MALRD1: variants seen among roughly 807,000 people sequenced by gnomAD.
The protein encoded by MALRD1 is MAM and LDL receptor class A domain containing 1, also known as MAM and LDL-receptor class A domain-containing protein 1.
MALRD1 carries 247 observed loss-of-function variants against 242.1 expected under a neutral mutation model. The ratio of observed to expected loss-of-function variants is 1.02; its 90% CI spans 0.92 to 1.13. MALRD1 has a LOEUF of 1.13. MALRD1 is among the 50% of genes most tolerant of loss of function. The probability of loss-of-function intolerance (pLI) is 0.00; values close to 1 mark genes in which losing one functional copy is unlikely to be tolerated. For missense variants in MALRD1, 2,989 were observed against 2,533.1 expected, an observed-to-expected ratio of 1.18 and a Z score of -3.86; for synonymous variants, 995 against 866.6, an observed-to-expected ratio of 1.15 and a Z score of -2.60.
At chr10:19,662,076 TCA>T (rs925489690) in intron 36 of MALRD1, among the ~76,000 whole-genome samples, 1 of 152,154 alleles carries the variant, frequency 6.6e-6, no homozygotes, top group African/African-American at 2.4e-5. Flanking sequence ...GTTAATGTAA[TCA>T]CAGAGTATTT....
intron 18 of MALRD1, among the ~76,000 whole-genome samples, chr10:19,220,633 G>A (rs188054113): frequency 9.9e-5 from 15 of 152,176 alleles, no homozygotes; most frequent in African/African-American, 3.4e-4. Flanking sequence ...CGACCCAGAT[G>A]CGTTCTAGAT....
chr10:19,507,593 CTTT>C (rs959573109), intron 31 of MALRD1, among the ~76,000 whole-genome samples: 1 of 152,034 alleles, frequency 6.6e-6, no homozygotes, highest in African/African-American at 2.4e-5. Flanking sequence ...ATAAATTCTT[CTTT>C]AATATGAATT....
At chr10:19,705,225 G>A (rs530599122) in intron 38 of MALRD1, among the ~76,000 whole-genome samples, 1 of 152,002 alleles carries the variant, frequency 6.6e-6, no homozygotes, top group Non-Finnish European at 1.5e-5. Context: ...GATAGGCCTA[G>A]TCTGCGCCCA....
At chr10:19,408,654 A>C (rs909177955) in intron 28 of MALRD1, among the ~76,000 whole-genome samples, 4 of 152,230 alleles carry the variant, frequency 2.6e-5, no homozygotes, top group Admixed American at 2.0e-4. Context: ...AGTTGGCAAA[A>C]CAAAAACATG....
At chr10:19,622,203 TATC>T in intron 36 of MALRD1, among the ~76,000 whole-genome samples, 1 of 117,776 alleles carries the variant, frequency 8.5e-6, no homozygotes, top group South Asian at 2.5e-4. Flanking sequence ...GAAAAGAAGT[TATC>T]ATGATGGTAT....
At chr10:19,133,682 T>C (rs1256324335) in intron 8 of MALRD1, among the ~76,000 whole-genome samples, 174 bp from the exon 9 acceptor site, 1 of 152,212 alleles carries the variant, frequency 6.6e-6, no homozygotes. Context: ...TTCATTTTCT[T>C]ATTTTTTAAT....
intron 18 of MALRD1, among the ~76,000 whole-genome samples, chr10:19,215,408 T>C (rs1837264180): frequency 6.6e-6 from 1 of 152,218 alleles, no homozygotes; most frequent in African/African-American, 2.4e-5. Context: ...ACAAACAAGG[T>C]TAATTTTTTT....
chr10:19,429,611 T>G (rs2486052), intron 28 of MALRD1, among the ~76,000 whole-genome samples: 1 of 151,862 alleles, frequency 6.6e-6, no homozygotes, highest in Non-Finnish European at 1.5e-5. Flanking sequence ...ACTCAGAGCC[T>G]GTGTCCAGTT....
intron 4 of MALRD1, among the ~76,000 whole-genome samples, chr10:19,098,715 A>T (rs1233522240): frequency 6.6e-6 from 1 of 152,150 alleles, no homozygotes; most frequent in Non-Finnish European, 1.5e-5. Flanking sequence ...CCTGAGGTTC[A>T]TTGTTTCATG....
At chr10:19,338,034 C>G (rs1014584487) in intron 24 of MALRD1, among the ~76,000 whole-genome samples, 9 of 150,378 alleles carry the variant, frequency 6.0e-5, no homozygotes, top group Non-Finnish European at 1.0e-4. Flanking sequence ...TGCACTCCAG[C>G]CTGGTGACAG....
At chr10:19,581,182 C>T (rs988083872) in intron 33 of MALRD1, among the ~76,000 whole-genome samples, 2 of 149,894 alleles carry the variant, frequency 1.3e-5, no homozygotes, top group Non-Finnish European at 3.0e-5. Flanking sequence ...TATAAGTTTC[C>T]TCCCTCATAG....
At chr10:19,052,881 C>G (rs1295338721) in intron 1 of MALRD1, among the ~76,000 whole-genome samples, 1 of 152,114 alleles carries the variant, frequency 6.6e-6, no homozygotes, top group Admixed American at 6.5e-5. Flanking sequence ...CCACCTTTAT[C>G]GAGGGGTGAT....
At chr10:19,096,495 G>A (rs1008602234) in intron 4 of MALRD1, among the ~76,000 whole-genome samples, 4 of 152,182 alleles carry the variant, frequency 2.6e-5, no homozygotes, top group East Asian at 1.9e-4. Context: ...GGGATCCTTC[G>A]GCTACACCAG....
chr10:19,618,274 A>G (rs1444634620), intron 36 of MALRD1, among the ~76,000 whole-genome samples: 1 of 152,072 alleles, frequency 6.6e-6, no homozygotes, highest in Non-Finnish European at 1.5e-5. Flanking sequence ...TGCTATTGTG[A>G]ATAGTGCTGC....
At chr10:19,159,991 CTG>C (rs1290488380) in intron 12 of MALRD1, among the ~76,000 whole-genome samples, 1 of 152,066 alleles carries the variant, frequency 6.6e-6, no homozygotes, top group Non-Finnish European at 1.5e-5. Context: ...TCAAAAAGAA[CTG>C]TTTGTTGGAA....
intron 36 of MALRD1, among the ~76,000 whole-genome samples, chr10:19,687,851 A>G (rs1311096141): frequency 2.0e-5 from 3 of 152,172 alleles, no homozygotes; most frequent in Admixed American, 2.0e-4. Flanking sequence ...AAAATAATGG[A>G]GAAAATCACT....
intron 21 of MALRD1, among the ~76,000 whole-genome samples, chr10:19,289,558 T>A (rs1841303945): frequency 6.6e-6 from 1 of 152,180 alleles, no homozygotes; most frequent in Admixed American, 6.5e-5. Flanking sequence ...GGGAACAGCC[T>A]CTAACCTTAT....
intron 36 of MALRD1, among the ~76,000 whole-genome samples, chr10:19,663,375 A>C: frequency 6.6e-6 from 1 of 152,102 alleles, no homozygotes; most frequent in African/African-American, 2.4e-5. Context: ...CTTATGGATG[A>C]GTAGTATTCC....
At chr10:19,503,055 A>T (rs1014354535) in intron 31 of MALRD1, among the ~76,000 whole-genome samples, 9 of 152,042 alleles carry the variant, frequency 5.9e-5, no homozygotes, top group East Asian at 3.9e-4. Flanking sequence ...CTGCAGATTT[A>T]AAAAAAAGCA....
Sources: allele counts gnomAD v4.1 joint callset (sites outside exome capture counted in the v4.1 genomes callset), GRCh38; gene constraint gnomAD v4.1.1; transcripts MANE v1.5; gene names NCBI Gene and HGNC (gene_info 2026-07-23, HGNC 2026-07-21).